Variants in SYT9 observed in about 807,000 individuals in gnomAD.
SYT9 encodes the protein synaptotagmin 9.
In SYT9, 22 loss-of-function variants were observed where a neutral mutation model predicts 48.4. The ratio of observed to expected loss-of-function variants is 0.45; its 90% CI spans 0.32 to 0.65. SYT9 has a LOEUF of 0.65. SYT9 is among the 30% of genes least tolerant of loss of function. The pLI is 0.03. For synonymous variants in SYT9, 265 were observed against 245.0 expected, an observed-to-expected ratio of 1.08 and a Z score of -0.76; for missense variants, 577 against 622.0, an observed-to-expected ratio of 0.93 and a Z score of 0.77.
intron 6 of SYT9, among the ~76,000 whole-genome samples, chr11:7,423,049 A>G (rs964164446): frequency 4.6e-5 from 7 of 152,258 alleles, no homozygotes; most frequent in Non-Finnish European, 8.8e-5. Context: ...TACTTTGGCC[A>G]ATACAATGGT....
chr11:7,463,850 T>C (rs1356164331), intron 6 of SYT9, among the ~76,000 whole-genome samples: 1 of 152,148 alleles, frequency 6.6e-6, no homozygotes, highest in African/African-American at 2.4e-5. Flanking sequence ...TTCTGGCTAA[T>C]TACACACACA....
At chr11:7,362,142 A>ATTTTTTTTTTT (rs59675647) in intron 3 of SYT9, among the ~76,000 whole-genome samples, 2 of 138,270 alleles carry the variant, frequency 1.4e-5, no homozygotes, top group Non-Finnish European at 3.2e-5. Flanking sequence ...ATTTTATTTT[A>ATTTTTTTTTTT]TTTTTTTTTT....
intron 3 of SYT9, among the ~76,000 whole-genome samples, chr11:7,382,399 T>G (rs142959489): frequency 1.3e-5 from 2 of 152,290 alleles, no homozygotes; most frequent in African/African-American, 4.8e-5. Flanking sequence ...ACTACCAGAT[T>G]TTTAGCTTTA....
In SYT9 at chr11:7,315,999, T is replaced by C. The variant is rs1020659099; in HGVS notation, c.1044+2058T>C. Among the ~76,000 whole-genome samples, 2 of 152,098 alleles carry C rather than the reference T, an allele frequency of 1.3e-5. 1 individual carries two copies. The highest frequency in any genetic ancestry group is 4.2e-4 in the South Asian group (2 of 4,818). On this transcript the variant is annotated intron_variant, in intron 3 of 6. Coordinates refer to ENST00000318881, the MANE Select transcript of SYT9 (RefSeq NM_175733.4). ...GAGAGGGTAGGTCCTGTCAATGGAA[T>C]TACAGGCTATTTCATAGTCTGCCAT...
intron 1 of SYT9, among the ~76,000 whole-genome samples, chr11:7,295,344 C>T (rs12796904): frequency 0.5 from 76,761 of 152,076 alleles, 19,475 homozygotes; most frequent in Admixed American, 0.54. Flanking sequence ...CACAAAACAG[C>T]AGAACATAAA....
At chr11:7,273,078 G>A (rs1311814545) in intron 1 of SYT9, among the ~76,000 whole-genome samples, 1 of 152,130 alleles carries the variant, frequency 6.6e-6, no homozygotes, top group Non-Finnish European at 1.5e-5. Flanking sequence ...TATAGAACAT[G>A]AAATGCAGTA....
intron 1 of SYT9, among the ~76,000 whole-genome samples, chr11:7,261,503 G>C (rs186626519): frequency 4.6e-5 from 7 of 152,178 alleles, no homozygotes; most frequent in Non-Finnish European, 8.8e-5. Flanking sequence ...AAAATTAAAA[G>C]TTTGCCCTCA....
intron 6 of SYT9, among the ~76,000 whole-genome samples, chr11:7,461,726 G>A (rs1456013468): frequency 6.6e-6 from 1 of 152,204 alleles, no homozygotes; most frequent in African/African-American, 2.4e-5. Context: ...ATAAATGTTT[G>A]TTGAATGATG....
chr11:7,447,821 G>A (rs7110975), intron 6 of SYT9, among the ~76,000 whole-genome samples: 34,586 of 151,928 alleles, frequency 0.23, 4,223 homozygotes, highest in Non-Finnish European at 0.25. Context: ...GAATCCTGAG[G>A]CCATTGTGTA....
chr11:7,257,195 C>T, intron 1 of SYT9, among the ~76,000 whole-genome samples: 1 of 152,170 alleles, frequency 6.6e-6, no homozygotes, highest in African/African-American at 2.4e-5. Context: ...GCTCAGCTCA[C>T]ATTTGTTTCT....
At chr11:7,459,704 A>G (rs1168624282) in intron 6 of SYT9, among the ~76,000 whole-genome samples, 1 of 152,224 alleles carries the variant, frequency 6.6e-6, no homozygotes, top group Non-Finnish European at 1.5e-5. Flanking sequence ...ATGCTGGATC[A>G]GGGTAGGCAC....
intron 3 of SYT9, among the ~76,000 whole-genome samples, chr11:7,413,167 G>A (rs1407800332): frequency 6.6e-6 from 1 of 152,216 alleles, no homozygotes; most frequent in Non-Finnish European, 1.5e-5. Flanking sequence ...GCATAGGTAG[G>A]TAGTTGTGCA....
intron 3 of SYT9, chr11:7,314,233 C>A: frequency 1.9e-6 from 1 of 522,946 alleles, no homozygotes; most frequent in Non-Finnish European, 3.7e-6. Flanking sequence ...GTCCTCCGTA[C>A]CACATTTTCT....
chr11:7,431,891 T>C (rs1264106235), intron 6 of SYT9, among the ~76,000 whole-genome samples: 1 of 152,244 alleles, frequency 6.6e-6, no homozygotes, highest in African/African-American at 2.4e-5. Flanking sequence ...TGAGAAAGCC[T>C]GAGTGCCCAG....
At chr11:7,325,498 T>G (rs1452901578) in intron 3 of SYT9, among the ~76,000 whole-genome samples, 1 of 86,450 alleles carries the variant, frequency 1.2e-5, no homozygotes, top group Non-Finnish European at 2.2e-5. Flanking sequence ...CTTATCAGCT[T>G]AAGGAGATTT....
chr11:7,315,452 G>T (rs989404861), intron 3 of SYT9, among the ~76,000 whole-genome samples: 1 of 152,216 alleles, frequency 6.6e-6, no homozygotes, highest in African/African-American at 2.4e-5. Flanking sequence ...ACTGCCAGCT[G>T]CAGTGAGGTG....
chr11:7,418,885 A>G (rs926094755), intron 5 of SYT9, among the ~76,000 whole-genome samples: 5 of 151,636 alleles, frequency 3.3e-5, no homozygotes, highest in African/African-American at 1.2e-4. Flanking sequence ...TTAATTGGAA[A>G]CCTCCCACGT....
chr11:7,321,273 A>AT (rs1849333421), intron 3 of SYT9, among the ~76,000 whole-genome samples: 1 of 151,878 alleles, frequency 6.6e-6, no homozygotes, highest in Non-Finnish European at 1.5e-5. Context: ...AAGGTTTGTT[A>AT]TTTTGTAGTG....
At position 7,310,237 on chromosome 11, in the gene SYT9, G is replaced by A. The variant is rs187564761; in HGVS notation, c.498-3158G>A. Among the ~76,000 whole-genome samples the A allele has an allele frequency of 1.6e-3, 250 of 152,102 alleles. 1 individual carries two copies. The highest frequency in any genetic ancestry group is 5.7e-3 in the African/African-American group (237 of 41,478). On this transcript the variant is annotated intron_variant, in intron 2 of 6. Coordinates refer to ENST00000318881, the MANE Select transcript of SYT9 (RefSeq NM_175733.4). ...CAACCTCTGCCACCTGGGTTTAAGC[G>A]ATTCTCCTGCCTCAGCCTCCCAAGT...
Sources: gnomAD v4.1 joint callset for allele counts (sites outside exome capture counted in the v4.1 genomes callset) on GRCh38, gnomAD v4.1.1 for gene constraint, MANE v1.5 for transcripts, NCBI Gene and HGNC (gene_info 2026-07-23, HGNC 2026-07-21) for gene names.